Variants in NCKAP5 observed in about 807,000 individuals in gnomAD.
NCKAP5 encodes the protein NCK associated protein 5.
NCKAP5 carries 92 observed loss-of-function variants against 167.0 expected under a neutral mutation model. The ratio of observed to expected loss-of-function variants is 0.55; its 90% CI spans 0.47 to 0.66. NCKAP5 has a LOEUF of 0.66. Among genes scored for constraint, NCKAP5 ranks in the 30% least tolerant of loss-of-function variants. The pLI is 0.00. For synonymous variants in NCKAP5, 891 were observed against 877.4 expected (o/e 1.02, Z -0.27); for missense variants, 2,378 against 2,315.0 (o/e 1.03, Z -0.56).
intron 4 of NCKAP5, among the ~76,000 whole-genome samples, chr2:133,282,869 G>C (rs1455862976): frequency 1.3e-5 from 2 of 152,164 alleles, no homozygotes; most frequent in Non-Finnish European, 2.9e-5. Context: ...CAGAATTCCT[G>C]TTTCCTCAGT....
At chr2:133,197,635 G>A (rs370938763) in intron 5 of NCKAP5, among the ~76,000 whole-genome samples, 58 of 152,106 alleles carry the variant, frequency 3.8e-4, no homozygotes, top group Admixed American at 2.4e-3. Flanking sequence ...TTTAAAGAAC[G>A]AAATATAACC....
intron 8 of NCKAP5, among the ~76,000 whole-genome samples, chr2:132,955,913 G>A (rs545632460): frequency 6.6e-6 from 1 of 152,138 alleles, no homozygotes; most frequent in African/African-American, 2.4e-5. Context: ...GATCAGTGAT[G>A]GTGAGCTTTT....
chr2:132,958,019 T>C (rs1409066226), intron 8 of NCKAP5, among the ~76,000 whole-genome samples: 2 of 152,204 alleles, frequency 1.3e-5, no homozygotes, highest in East Asian at 3.8e-4. Flanking sequence ...TGAAGGCTCC[T>C]ATGTATACAC....
intron 6 of NCKAP5, among the ~76,000 whole-genome samples, chr2:133,030,896 T>C (rs2078858002): frequency 1.3e-5 from 2 of 152,146 alleles, no homozygotes; most frequent in African/African-American, 4.8e-5. Flanking sequence ...GCTGCCTTCC[T>C]TGGCTTGTGG....
rs771154142 is a variant in NCKAP5 at position 132,783,926 on chromosome 2, C to T, written c.2885G>A (p.Ser962Asn). 6.4e-7 allele frequency: 1 copy of T among 1,570,188 alleles called. No homozygotes were observed. Among genetic ancestry groups the T allele is most frequent in the Non-Finnish European group, 8.6e-7 (1 of 1,162,876 alleles). Residue 962 changes from serine (S) to asparagine (N), a missense_variant, in exon 14 of 20, where the codon AGT becomes AAT. Coordinates refer to ENST00000409261, the MANE Select transcript of NCKAP5 (RefSeq NM_207363.3). ...TTTGAATGGGGTCCTTGCTGTTTCA[C>T]TGGGGACCCTGGTTTCGGACTTGGT... ...SSTKSETRVP[S>N]ETARTPFKSP...
At chr2:132,937,278 G>A (rs1696926537) in intron 8 of NCKAP5, among the ~76,000 whole-genome samples, 1 of 152,122 alleles carries the variant, frequency 6.6e-6, no homozygotes, top group Non-Finnish European at 1.5e-5. Flanking sequence ...GAATATGCAC[G>A]GAACAACGAC....
At chr2:132,721,604 C>T (rs1689938055) in intron 19 of NCKAP5, among the ~76,000 whole-genome samples, 2 of 152,210 alleles carry the variant, frequency 1.3e-5, no homozygotes, top group Admixed American at 1.3e-4. Context: ...TGTCTTTCTC[C>T]TGTTTCTATT....
intron 3 of NCKAP5, among the ~76,000 whole-genome samples, chr2:133,330,982 A>T (rs1201973102): frequency 2.0e-5 from 3 of 152,202 alleles, no homozygotes; most frequent in Non-Finnish European, 2.9e-5. Flanking sequence ...ACATGCACAC[A>T]CACTCCCACT....
chr2:132,941,715 T>C (rs1697313964), intron 8 of NCKAP5, among the ~76,000 whole-genome samples: 2 of 152,154 alleles, frequency 1.3e-5, no homozygotes, highest in Admixed American at 1.3e-4. Context: ...AATTCCGTTA[T>C]CTCCTTTTAA....
rs542235046 is a variant in NCKAP5, at chr2:133,174,084, T to C, written c.207+39632A>G. Among the ~76,000 whole-genome samples the C allele has an allele frequency of 2.0e-5, 3 of 152,330 alleles. No homozygotes were observed. The East Asian group carries it at 5.8e-4, about 29-fold the overall frequency. On this transcript the variant is annotated intron_variant, in intron 5 of 19. Transcript: ENST00000409261. Reference sequence around the variant, plus strand: ...TTTTCTCCTAATATTCTATCTCTGTTCCAGCATCCTATCCAGAATCCCATG... The same window carrying C: ...TTTTCTCCTAATATTCTATCTCTGTCCCAGCATCCTATCCAGAATCCCATG...
intron 6 of NCKAP5, among the ~76,000 whole-genome samples, chr2:133,095,741 G>A (rs1462612222): frequency 6.6e-6 from 1 of 152,154 alleles, no homozygotes; most frequent in Non-Finnish European, 1.5e-5. Flanking sequence ...AGACATAATA[G>A]CACATACATC....
intron 6 of NCKAP5, among the ~76,000 whole-genome samples, chr2:133,035,908 TAAAC>T (rs980254511): frequency 4.9e-4 from 75 of 151,786 alleles, no homozygotes; most frequent in African/African-American, 1.8e-3. Context: ...TTTGGAAAGT[TAAAC>T]AAAATTGACA....
intron 8 of NCKAP5, among the ~76,000 whole-genome samples, chr2:132,890,242 G>A (rs1425908118): frequency 6.6e-6 from 1 of 152,094 alleles, no homozygotes; most frequent in Admixed American, 6.5e-5. Context: ...CTTTATGATG[G>A]CCAGCCTGTG....
chr2:132,766,360 T>A (rs1681495661), intron 16 of NCKAP5, among the ~76,000 whole-genome samples: 1 of 145,654 alleles, frequency 6.9e-6, no homozygotes, highest in Non-Finnish European at 1.5e-5. Flanking sequence ...GATAGGAGAG[T>A]CTGGCACTGC....
At chr2:133,074,817 G>A (rs1052488148) in intron 6 of NCKAP5, among the ~76,000 whole-genome samples, 3 of 152,124 alleles carry the variant, frequency 2.0e-5, no homozygotes, top group Admixed American at 6.5e-5. Context: ...CAGCAAAAAA[G>A]AATATGGTCT....
intron 7 of NCKAP5, among the ~76,000 whole-genome samples, chr2:132,971,551 G>A (rs1573593999): frequency 6.6e-6 from 1 of 152,144 alleles, no homozygotes; most frequent in Non-Finnish European, 1.5e-5. Flanking sequence ...GATATGGTGT[G>A]GATGGGTTGG....
intron 8 of NCKAP5, among the ~76,000 whole-genome samples, chr2:132,892,077 C>T (rs1692754697): frequency 6.6e-6 from 1 of 152,150 alleles, no homozygotes; most frequent in Non-Finnish European, 1.5e-5. Context: ...GTGGTGGTGT[C>T]AGCCAGGCCA....
chr2:133,124,537 T>G (rs1333155195), intron 6 of NCKAP5, among the ~76,000 whole-genome samples: 1 of 152,234 alleles, frequency 6.6e-6, no homozygotes, highest in Non-Finnish European at 1.5e-5. Context: ...CATCTGACTA[T>G]TCATGCCTCA....
chr2:133,342,010 C>T (rs1683623273), intron 3 of NCKAP5, among the ~76,000 whole-genome samples: 1 of 152,102 alleles, frequency 6.6e-6, no homozygotes, highest in African/African-American at 2.4e-5. Flanking sequence ...GCGATCTCGA[C>T]TTACTGCAAG....
Sources: allele counts gnomAD v4.1 joint callset (sites outside exome capture counted in the v4.1 genomes callset), GRCh38; gene constraint gnomAD v4.1.1; transcripts MANE v1.5; gene names NCBI Gene and HGNC (gene_info 2026-07-23, HGNC 2026-07-21).